Variants in CSRNP3 observed in about 807,000 individuals in gnomAD.
CSRNP3 encodes the protein cysteine/serine-rich nuclear protein 3.
In CSRNP3, 12 loss-of-function variants were observed where a neutral mutation model predicts 48.0. The ratio of observed to expected loss-of-function variants is 0.25; its 90% CI spans 0.16 to 0.41. CSRNP3 has a LOEUF of 0.41. Among genes scored for constraint, CSRNP3 ranks in the 10% least tolerant of loss-of-function variants. CSRNP3 has a pLI of 1.00. For missense variants in CSRNP3, 580 were observed against 724.4 expected, an observed-to-expected ratio of 0.80 and a Z score of 2.29; for synonymous variants, 263 against 269.7, an observed-to-expected ratio of 0.98 and a Z score of 0.24.
At chr2:165,622,880 C>T (rs1266646928) in intron 4 of CSRNP3, among the ~76,000 whole-genome samples, 1 of 152,086 alleles carries the variant, frequency 6.6e-6, no homozygotes, top group African/African-American at 2.4e-5. Flanking sequence ...GAAAGAGCTA[C>T]TAGTCTCCAT....
At chr2:165,606,171 T>C (rs192316377) in intron 4 of CSRNP3, among the ~76,000 whole-genome samples, 3 of 150,924 alleles carry the variant, frequency 2.0e-5, no homozygotes, top group Non-Finnish European at 3.0e-5. Flanking sequence ...CAGAGTAACA[T>C]ACTGTAGCAT....
chr2:165,501,513 C>T (rs535460192), intron 2 of CSRNP3, among the ~76,000 whole-genome samples: 1 of 152,212 alleles, frequency 6.6e-6, no homozygotes, highest in East Asian at 1.9e-4. Flanking sequence ...ATGGCAGGAC[C>T]TTTGTCCTAT....
intron 5 of CSRNP3, among the ~76,000 whole-genome samples, chr2:165,661,368 G>T (rs1401938384): frequency 6.6e-6 from 1 of 152,092 alleles, no homozygotes; most frequent in African/African-American, 2.4e-5. Flanking sequence ...CCTTAAACAT[G>T]CTCAGAACAC....
At chr2:165,654,263 A>G (rs183951631) in intron 4 of CSRNP3, among the ~76,000 whole-genome samples, 32 of 152,304 alleles carry the variant, frequency 2.1e-4, no homozygotes, top group African/African-American at 7.7e-4. Flanking sequence ...GATCTTTTAC[A>G]TTTCGACAAA....
chr2:165,674,835 C>T (rs1687397017), intron 5 of CSRNP3, among the ~76,000 whole-genome samples: 1 of 151,344 alleles, frequency 6.6e-6, no homozygotes, highest in African/African-American at 2.4e-5. Flanking sequence ...CTCAGCCTCC[C>T]AAGCAGCTGG....
rs1028501203 is a variant in CSRNP3, at chr2:165,508,537, C to G, written c.-112-9336C>G. On this transcript the variant is annotated intron_variant, in intron 2 of 6. Transcript: ENST00000651982. ...TCTGTCCTTCATTCACATCTCTTGC[C>G]CCTGCGAGTAACTCTTATTGACAAC... Among the ~76,000 whole-genome samples the G allele has an allele frequency of 2.6e-5, 4 of 152,070 alleles. No individual in the cohort carries two copies. In the East Asian group the frequency reaches 5.8e-4, roughly 22 times the overall value.
chr2:165,562,430 G>A (rs1350571376), intron 3 of CSRNP3, among the ~76,000 whole-genome samples: 2 of 152,186 alleles, frequency 1.3e-5, no homozygotes, highest in African/African-American at 4.8e-5. Context: ...GGGAAAAATT[G>A]CAAAACATTT....
Position 165,679,164 on chromosome 2 carries a change from G to C in CSRNP3, c.1169G>C (p.Gly390Ala). Residue 390 changes from glycine to alanine, a missense_variant, in exon 7 of 7, where the codon GGA becomes GCA. Physicochemically the swap from Gly to Ala is moderately conservative, Grantham distance 60. Transcript: ENST00000651982. ...GAGGAGGATGACGATGATGACAAAG[G>C]AGATGGCTTCGTGGAAGGTTTGGGC... ...EEEEDDDDDKGDGFVEGLGTH... is the reference protein window; with the variant it reads ...EEEEDDDDDKADGFVEGLGTH... 1 of 1,613,856 alleles carries C rather than the reference G, an allele frequency of 6.2e-7. No individual in the cohort carries two copies. The highest frequency in any genetic ancestry group is 8.5e-7 in the Non-Finnish European group (1 of 1,179,968).
chr2:165,524,933 C>G (rs1684713550), intron 3 of CSRNP3, among the ~76,000 whole-genome samples: 1 of 152,064 alleles, frequency 6.6e-6, no homozygotes. Flanking sequence ...TTTTATTTAT[C>G]ATGGGCTAAT....
At chr2:165,546,473 GAGCCACCAAGCCT>G (rs1222708851) in intron 3 of CSRNP3, among the ~76,000 whole-genome samples, 1 of 152,108 alleles carries the variant, frequency 6.6e-6, no homozygotes, top group Non-Finnish European at 1.5e-5. Context: ...TTACAGGCAT[GAGCCACCAAGCCT>G]AGCCTCTCTG....
intron 4 of CSRNP3, among the ~76,000 whole-genome samples, chr2:165,608,789 T>TAAAA (rs34437387): frequency 6.8e-6 from 1 of 147,998 alleles, no homozygotes. Context: ...GTAAAAAAAT[T>TAAAA]AAAAAAAAAA....
chr2:165,646,391 G>A (rs1169990023), intron 4 of CSRNP3, among the ~76,000 whole-genome samples: 2 of 152,108 alleles, frequency 1.3e-5, no homozygotes, highest in African/African-American at 2.4e-5. Context: ...GGATTATCAT[G>A]ATATATTAGG....
intron 3 of CSRNP3, among the ~76,000 whole-genome samples, chr2:165,571,190 C>A (rs546702025): frequency 4.6e-5 from 7 of 151,846 alleles, no homozygotes; most frequent in Non-Finnish European, 1.0e-4. Context: ...TCTAACTACT[C>A]AGAAAATTTA....
intron 4 of CSRNP3, among the ~76,000 whole-genome samples, chr2:165,622,868 G>A (rs1222734384): frequency 6.6e-6 from 1 of 152,068 alleles, no homozygotes; most frequent in Non-Finnish European, 1.5e-5. Context: ...AAAGATATTG[G>A]AGAAAGAGCT....
At chr2:165,606,414 A>C (rs1157526753) in intron 4 of CSRNP3, among the ~76,000 whole-genome samples, 1 of 151,718 alleles carries the variant, frequency 6.6e-6, no homozygotes, top group Admixed American at 6.6e-5. Context: ...CAGATAATAC[A>C]CAGAAAAAAG....
In CSRNP3 at chr2:165,490,108, T is replaced by C. The variant is rs1489916545; in HGVS notation, c.-282-4651T>C. Among the ~76,000 whole-genome samples the C allele has an allele frequency of 5.3e-5, 8 of 149,732 alleles. No homozygotes were observed. In the East Asian group the frequency reaches 1.6e-3, roughly 30 times the overall value. On this transcript the variant is annotated intron_variant, in intron 1 of 6. Transcript: ENST00000651982. ...AAGCAACTTCAGCAAAGTCTCAGGA[T>C]ACAAAATCAATGTACAAAAATCACA...
chr2:165,518,583 T>G (rs114993364), intron 3 of CSRNP3, among the ~76,000 whole-genome samples: 2 of 152,106 alleles, frequency 1.3e-5, no homozygotes, highest in Non-Finnish European at 2.9e-5. Flanking sequence ...AATAACAAAT[T>G]AATGTACAAT....
chr2:165,491,797 T>C (rs1315744962), intron 1 of CSRNP3, among the ~76,000 whole-genome samples: 2 of 99,862 alleles, frequency 2.0e-5, no homozygotes, highest in Non-Finnish European at 3.9e-5. Context: ...CTGGGGACTG[T>C]TGTGGGGTGG....
chr2:165,570,200 G>C (rs1442579463), intron 3 of CSRNP3, among the ~76,000 whole-genome samples: 1 of 151,830 alleles, frequency 6.6e-6, no homozygotes, highest in Non-Finnish European at 1.5e-5. Flanking sequence ...GAGAATAGCC[G>C]ACCTGGAGAG....
Sources: gnomAD v4.1 joint callset for allele counts (sites outside exome capture counted in the v4.1 genomes callset) on GRCh38, gnomAD v4.1.1 for gene constraint, MANE v1.5 for transcripts, NCBI Gene and HGNC (gene_info 2026-07-23, HGNC 2026-07-21) for gene names.